EXOC4: variants seen among roughly 807,000 people sequenced by gnomAD.
EXOC4 encodes the protein exocyst complex component 4.
A neutral mutation model predicts 107.2 loss-of-function variants in EXOC4; 71 were observed. The observed-to-expected ratio is 0.66, with a 90% CI of 0.55 to 0.81. EXOC4 has a LOEUF of 0.81. Ranked by LOEUF, EXOC4 falls within the 30% of genes least tolerant of loss-of-function variation. The pLI, the probability that EXOC4 is intolerant of heterozygous loss-of-function variation, is 0.00. For missense variants in EXOC4, 1,108 were observed against 1,189.6 expected (o/e 0.93, Z 1.01); for synonymous variants, 456 against 441.2 (o/e 1.03, Z -0.42).
Position 133,827,609 on chromosome 7 carries a change from T to C in EXOC4, c.1734+10065T>C, listed in dbSNP as rs570141242. Among the ~76,000 whole-genome samples, 13 of 152,368 alleles carry C rather than the reference T, an allele frequency of 8.5e-5. No individual in the cohort carries two copies. The East Asian group carries it at 2.5e-3, about 29-fold the overall frequency. ...TTACACATTTTATAAGGATCCTTAA[T>C]GATCTCAGCATTTTTTATTTTTGAG... On this transcript the variant is annotated intron_variant, in intron 11 of 17. Transcript: ENST00000253861.
rs188690078 is a variant in EXOC4, at chr7:133,606,394, T to C, written c.1418-23651T>C. ...CCCTGTTTCATCATTGCAAATCCCT[T>C]ATATCCTGAATATCTTCACTGAATA... On this transcript the variant is annotated intron_variant, in intron 9 of 17. Transcript: ENST00000253861. Among the ~76,000 whole-genome samples, 9 of 152,240 alleles carry C rather than the reference T, an allele frequency of 5.9e-5. No homozygotes were observed. In the East Asian group the frequency reaches 1.5e-3, roughly 26 times the overall value.
intron 7 of EXOC4, among the ~76,000 whole-genome samples, chr7:133,447,591 G>A (rs1472546759): frequency 6.6e-6 from 1 of 151,766 alleles, no homozygotes; most frequent in Non-Finnish European, 1.5e-5. Flanking sequence ...AAAATTCTAT[G>A]TGCTTATTTA....
rs545796888 is a variant in EXOC4 at position 133,987,568 on chromosome 7, C to T, written c.2207-9924C>T. 3.3e-5 allele frequency among the ~76,000 whole-genome samples: 5 copies of T among 152,186 alleles called. No homozygotes were observed. The East Asian group carries it at 9.6e-4, about 29-fold the overall frequency. On this transcript the variant is annotated intron_variant, in intron 14 of 17. Transcript: ENST00000253861. ...GTAGAAAACTGTGTGGTGTCTTTCA[C>T]CTCTGTACAAATAGGAAGAGGATTT... is the stretch of plus-strand genomic sequence containing the variant.
chr7:133,662,560 C>T (rs1044924678), intron 10 of EXOC4, among the ~76,000 whole-genome samples: 1 of 152,096 alleles, frequency 6.6e-6, no homozygotes, highest in Admixed American at 6.6e-5. Flanking sequence ...TCACCTATCA[C>T]GTATGGCTAG....
intron 3 of EXOC4, among the ~76,000 whole-genome samples, chr7:133,297,027 C>T (rs1156842515): frequency 4.6e-5 from 7 of 152,146 alleles, no homozygotes; most frequent in Non-Finnish European, 1.0e-4. Context: ...ACTTATTGTC[C>T]TTGTCTTCAT....
intron 11 of EXOC4, among the ~76,000 whole-genome samples, chr7:133,852,700 C>T (rs1287849437): frequency 6.6e-6 from 1 of 152,122 alleles, no homozygotes; most frequent in East Asian, 1.9e-4. Context: ...AATCCTTTCC[C>T]CCGCTTTTAA....
chr7:133,708,151 C>G (rs999747533), intron 10 of EXOC4, among the ~76,000 whole-genome samples: 1 of 152,098 alleles, frequency 6.6e-6, no homozygotes, highest in African/African-American at 2.4e-5. Flanking sequence ...GTATATGACT[C>G]CTTGTTACAA....
At chr7:133,755,266 ATATATAT>A (rs1374805967) in intron 10 of EXOC4, among the ~76,000 whole-genome samples, 3 of 97,788 alleles carry the variant, frequency 3.1e-5, no homozygotes, top group African/African-American at 1.3e-4. Context: ...TATATATATT[ATATATAT>A]TATATATATT....
At chr7:133,389,288 C>T (rs1008104956) in intron 7 of EXOC4, among the ~76,000 whole-genome samples, 3 of 151,824 alleles carry the variant, frequency 2.0e-5, no homozygotes, top group Non-Finnish European at 2.9e-5. Context: ...AATGGAGAGT[C>T]GGCTGGGCAT....
chr7:133,959,581 G>T (rs575495695), intron 14 of EXOC4, among the ~76,000 whole-genome samples: 1 of 151,740 alleles, frequency 6.6e-6, no homozygotes, highest in Non-Finnish European at 1.5e-5. Context: ...TCCCAAAATG[G>T]AAAACAGGAA....
intron 6 of EXOC4, among the ~76,000 whole-genome samples, chr7:133,358,476 A>G (rs922537805): frequency 4.6e-5 from 7 of 152,168 alleles, no homozygotes; most frequent in South Asian, 4.1e-4. Flanking sequence ...TCCATGTTCT[A>G]TGATCACTTA....
chr7:133,931,433 A>G (rs541432103), intron 13 of EXOC4, among the ~76,000 whole-genome samples: 1 of 152,196 alleles, frequency 6.6e-6, no homozygotes, highest in Non-Finnish European at 1.5e-5. Context: ...TGTTTGCCCA[A>G]ATTCTGAGCT....
chr7:133,389,153 G>T (rs192281242), intron 7 of EXOC4, among the ~76,000 whole-genome samples: 1 of 152,272 alleles, frequency 6.6e-6, no homozygotes, highest in African/African-American at 2.4e-5. Flanking sequence ...GAATTAGAAG[G>T]CAGGTTCAAT....
intron 9 of EXOC4, among the ~76,000 whole-genome samples, chr7:133,583,711 G>T (rs3909550): frequency 0.62 from 94,501 of 152,020 alleles, 30,449 homozygotes; most frequent in South Asian, 0.73. Flanking sequence ...ATGGGGAAAG[G>T]CCTGATTTTT....
intron 6 of EXOC4, among the ~76,000 whole-genome samples, chr7:133,371,756 T>A (rs1796382962): frequency 6.6e-6 from 1 of 152,230 alleles, no homozygotes; most frequent in Admixed American, 6.5e-5. Context: ...TAGCTAGGAA[T>A]GGAATCACTG....
intron 9 of EXOC4, among the ~76,000 whole-genome samples, chr7:133,571,959 G>T (rs1801032513): frequency 1.3e-5 from 2 of 152,168 alleles, no homozygotes; most frequent in Admixed American, 1.3e-4. Flanking sequence ...CGTCACATTG[G>T]CAACACCGGA....
intron 9 of EXOC4, among the ~76,000 whole-genome samples, chr7:133,628,439 G>A (rs1802508788): frequency 6.6e-6 from 1 of 152,150 alleles, no homozygotes. Flanking sequence ...TGGAATATGG[G>A]AGTTGCTAAG....
intron 7 of EXOC4, among the ~76,000 whole-genome samples, chr7:133,422,331 C>G (rs778177987): frequency 1.3e-5 from 2 of 152,134 alleles, no homozygotes; most frequent in Non-Finnish European, 2.9e-5. Flanking sequence ...TTAGGTCATC[C>G]TTTAGCTCTG....
At chr7:133,941,623 C>T (rs1800430122) in intron 14 of EXOC4, among the ~76,000 whole-genome samples, 1 of 152,188 alleles carries the variant, frequency 6.6e-6, no homozygotes, top group South Asian at 2.1e-4. Context: ...ACACAGTTCC[C>T]TGTTCCTTCT....
Sources: gnomAD v4.1 joint callset for allele counts (sites outside exome capture counted in the v4.1 genomes callset) on GRCh38, gnomAD v4.1.1 for gene constraint, MANE v1.5 for transcripts, NCBI Gene and HGNC (gene_info 2026-07-23, HGNC 2026-07-21) for gene names.